EBF3: variants seen among roughly 807,000 people sequenced by gnomAD.
The protein encoded by EBF3 is EBF transcription factor 3.
EBF3 carries 18 observed loss-of-function variants against 77.1 expected under a neutral mutation model. The observed-to-expected ratio is 0.23, with a 90% confidence interval of 0.16 to 0.35. The LOEUF (loss-of-function observed/expected upper bound fraction) is 0.35, where lower values mean the gene tolerates loss of function less well. Ranked by LOEUF, EBF3 falls within the 10% of genes least tolerant of loss-of-function variation. The pLI is 1.00. For missense variants in EBF3, 558 were observed against 860.0 expected (o/e 0.65, Z 4.39); for synonymous variants, 350 against 343.5 (o/e 1.02, Z -0.21).
chr10:129,850,701 G>A (rs949529542), intron 10 of EBF3, among the ~76,000 whole-genome samples: 10 of 152,192 alleles, frequency 6.6e-5, no homozygotes, highest in Admixed American at 2.6e-4. Flanking sequence ...GGAATGACAC[G>A]CATTCGTGGT....
chr10:129,886,143 T>C (rs6482763), intron 6 of EBF3, among the ~76,000 whole-genome samples: 9,374 of 151,152 alleles, frequency 0.062, 985 homozygotes, highest in African/African-American at 0.21. Context: ...CCAGCTTGCT[T>C]AATTAAGAAC....
At chr10:129,905,942 CG>C (rs2134266228) in intron 6 of EBF3, among the ~76,000 whole-genome samples, 1 of 152,260 alleles carries the variant, frequency 6.6e-6, no homozygotes, top group African/African-American at 2.4e-5. Flanking sequence ...ACATACTAGC[CG>C]AGTGTAAATT....
intron 6 of EBF3, among the ~76,000 whole-genome samples, chr10:129,923,169 G>C (rs1194784634): frequency 6.6e-6 from 1 of 152,210 alleles, no homozygotes; most frequent in Non-Finnish European, 1.5e-5. Context: ...GCAGGCCACA[G>C]TCCACAAGCC....
chr10:129,910,095 G>A (rs746708319), intron 6 of EBF3, among the ~76,000 whole-genome samples: 5 of 152,300 alleles, frequency 3.3e-5, no homozygotes, highest in African/African-American at 1.2e-4. Context: ...GCAGTGCCGC[G>A]CTAACGAGCC....
At chr10:129,954,734 C>CTGT in intron 6 of EBF3, among the ~76,000 whole-genome samples, 1 of 152,240 alleles carries the variant, frequency 6.6e-6, no homozygotes, top group Non-Finnish European at 1.5e-5. Context: ...TATCCAAAGG[C>CTGT]CACAAGGAGC....
In EBF3 at chr10:129,897,593, C is replaced by A. The variant is rs942218786; in HGVS notation, c.555-19744G>T. ...ACCCTTTTATCCGAGAGGCGAAGCCCGGGAAGGTTCTCGAGGGCGCCCATT... is the reference window on the plus strand; with the variant it reads ...ACCCTTTTATCCGAGAGGCGAAGCCAGGGAAGGTTCTCGAGGGCGCCCATT... On this transcript the variant is annotated intron_variant, in intron 6 of 16. Transcript: ENST00000440978. This position sits in a 1 kb window ranked among gnomAD's most constrained non-coding sequence, Gnocchi z 4.6. Among the ~76,000 whole-genome samples, 2 of 152,080 alleles carry A rather than the reference C, an allele frequency of 1.3e-5. No homozygotes were observed. Among genetic ancestry groups the A allele is most frequent in the Non-Finnish European group, 2.9e-5 (2 of 68,014 alleles).
chr10:129,898,367 G>A (rs1854540520), intron 6 of EBF3, among the ~76,000 whole-genome samples: 2 of 152,164 alleles, frequency 1.3e-5, no homozygotes, highest in Admixed American at 1.3e-4. Flanking sequence ...AAGTCTGGGT[G>A]GAAACAATCA....
intron 6 of EBF3, among the ~76,000 whole-genome samples, chr10:129,927,946 C>T (rs1466294445): frequency 1.3e-5 from 2 of 152,178 alleles, no homozygotes; most frequent in African/African-American, 2.4e-5. Context: ...GTCAAGTGCT[C>T]GGTGGAGAGC....
rs753571037 is a variant in EBF3, at chr10:129,963,339, G to C, written c.291+28C>G. 3.2e-6 allele frequency: 5 copies of C among 1,563,404 alleles called. No individual in the cohort carries two copies. In the African/African-American group the frequency reaches 5.7e-5, roughly 18 times the overall value. On this transcript the variant is annotated intron_variant, in intron 2 of 16. Transcript: ENST00000440978. The surrounding 1 kb of genome is among the most constrained non-coding windows in gnomAD (Gnocchi z 7.1). ...CCTGCCTCCCGCTTCTAGAAAGAGA[G>C]AGGGTGTGATCGTGTGTTTGCACTT...
intron 6 of EBF3, among the ~76,000 whole-genome samples, chr10:129,911,397 C>G (rs939775275): frequency 6.6e-6 from 1 of 152,250 alleles, no homozygotes. Context: ...TCTCTCTAGA[C>G]CCTGTCCTGG....
chr10:129,907,113 C>T (rs1855199185), intron 6 of EBF3, among the ~76,000 whole-genome samples: 1 of 152,230 alleles, frequency 6.6e-6, no homozygotes, highest in African/African-American at 2.4e-5. Context: ...CAGCCTCGGC[C>T]TGCCAGAGAA....
intron 4 of EBF3, among the ~76,000 whole-genome samples, chr10:129,960,145 G>A (rs1859390572): frequency 6.6e-6 from 1 of 152,092 alleles, no homozygotes; most frequent in South Asian, 2.1e-4. Flanking sequence ...GGGGAGGGGC[G>A]GGAGGCTGGG....
intron 6 of EBF3, among the ~76,000 whole-genome samples, chr10:129,948,666 C>G (rs1246337523): frequency 1.3e-5 from 2 of 152,132 alleles, no homozygotes; most frequent in East Asian, 3.9e-4. Flanking sequence ...TCAGTACTCT[C>G]TGGTCATTTT....
chr10:129,955,289 A>G (rs1467493671), intron 6 of EBF3, among the ~76,000 whole-genome samples: 2 of 152,246 alleles, frequency 1.3e-5, no homozygotes, highest in Non-Finnish European at 1.5e-5. Context: ...AAATTGTCAT[A>G]TCTTTGAATT....
chr10:129,896,884 G>C (rs1010786072), intron 6 of EBF3, among the ~76,000 whole-genome samples: 1 of 152,202 alleles, frequency 6.6e-6, no homozygotes, highest in Non-Finnish European at 1.5e-5. Context: ...CTCAAACCGA[G>C]AGAGAAGCCT....
In EBF3 at chr10:129,873,436, T is replaced by C. The variant is rs750884931; in HGVS notation, c.781+16A>G. 1.0e-5 allele frequency: 15 copies of C among 1,500,730 alleles called. No individual in the cohort carries two copies. In the East Asian group the frequency reaches 2.9e-4, roughly 29 times the overall value. The allele number at this position is 1,500,730 out of a possible 1,614,324, so 93.0% of individuals were successfully genotyped here. A position where few individuals can be genotyped will look rare whatever the true frequency, so the allele number is the denominator to read the frequency against. On this transcript the variant is annotated intron_variant, in intron 8 of 16. Transcript: ENST00000440978. ...GAAGCATCGCAAATAAAAAAAGACATGTAACATGTGCCTACCATTTTCCAG... is the reference window on the plus strand; with the variant it reads ...GAAGCATCGCAAATAAAAAAAGACACGTAACATGTGCCTACCATTTTCCAG...
intron 6 of EBF3, among the ~76,000 whole-genome samples, chr10:129,932,713 T>C (rs1392649039): frequency 6.6e-6 from 1 of 152,118 alleles, no homozygotes; most frequent in Non-Finnish European, 1.5e-5. Context: ...AACTAAAATG[T>C]GGGAAACCAT....
intron 6 of EBF3, among the ~76,000 whole-genome samples, chr10:129,893,742 G>A (rs779631431): frequency 1.2e-4 from 18 of 152,300 alleles, no homozygotes; most frequent in South Asian, 2.1e-4. Context: ...TTTCTTCTGC[G>A]CTCCCCTCCT....
Position 129,963,265 on chromosome 10 carries a change from CCGAGCCCGCCGCCTAGGGGGGCACT to C in EBF3, c.291+77_291+101del. 2.0e-6 allele frequency: 3 copies of C among 1,476,928 alleles called. No individual in the cohort carries two copies. The South Asian group carries it at 4.0e-5, about 20-fold the overall frequency. The allele number at this position is 1,476,928 out of a possible 1,614,324, so 91.5% of individuals were successfully genotyped here. A position where few individuals can be genotyped will look rare whatever the true frequency, so the allele number is the denominator to read the frequency against. On this transcript the variant is annotated intron_variant, in intron 2 of 16. Transcript: ENST00000440978. The surrounding 1 kb of genome is among the most constrained non-coding windows in gnomAD (Gnocchi z 7.1). ...GCGGCGGCGGGGTGGCCTGGCGGAG[CCGAGCCCGCCGCCTAGGGGGGCACT>C]CGAACCCCCGCGCACCGGCACCGCC...
Sources: gnomAD v4.1 joint callset for allele counts (sites outside exome capture counted in the v4.1 genomes callset) on GRCh38, gnomAD v4.1.1 for gene constraint, Gnocchi (gnomAD v3.1) non-coding constraint, MANE v1.5 for transcripts, NCBI Gene and HGNC (gene_info 2026-07-23, HGNC 2026-07-21) for gene names.